The following ERBB4 variants were observed in gnomAD, a reference collection of about 807,000 sequenced individuals.
ERBB4 encodes receptor tyrosine-protein kinase erbB-4.
Under a neutral mutation model 158.0 loss-of-function variants are expected in ERBB4, and 42 were observed. The ratio of observed to expected loss-of-function variants is 0.27; its 90% CI spans 0.21 to 0.34. The LOEUF (loss-of-function observed/expected upper bound fraction) is 0.34. ERBB4 is among the 10% of genes least tolerant of loss of function. The pLI, the probability that ERBB4 is intolerant of heterozygous loss-of-function variation, is 1.00. For missense variants in ERBB4, 1,333 were observed against 1,624.1 expected, an observed-to-expected ratio of 0.82 and a Z score of 3.08; for synonymous variants, 583 against 558.7, an observed-to-expected ratio of 1.04 and a Z score of -0.61.
chr2:212,023,171 T>C (rs1431632518), intron 2 of ERBB4, among the ~76,000 whole-genome samples: 1 of 152,120 alleles, frequency 6.6e-6, no homozygotes, highest in Non-Finnish European at 1.5e-5. Context: ...ACATGAGCCA[T>C]TATACAACTC....
intron 1 of ERBB4, among the ~76,000 whole-genome samples, chr2:212,502,244 A>C (rs146677118): frequency 6.6e-6 from 1 of 152,164 alleles, no homozygotes; most frequent in African/African-American, 2.4e-5. Flanking sequence ...GAAGTAAGCT[A>C]ATGTCAAATT....
intron 1 of ERBB4, among the ~76,000 whole-genome samples, chr2:212,471,965 C>T (rs17325821): frequency 0.18 from 26,630 of 151,670 alleles, 3,023 homozygotes; most frequent in Non-Finnish European, 0.24. Context: ...GTACTTGAAA[C>T]TCTCTCATAC....
intron 12 of ERBB4, among the ~76,000 whole-genome samples, chr2:211,693,337 T>G (rs2072890819): frequency 6.6e-6 from 1 of 152,214 alleles, no homozygotes; most frequent in Non-Finnish European, 1.5e-5. Context: ...CTGTATAAAC[T>G]ATAATTAAAT....
intron 19 of ERBB4, among the ~76,000 whole-genome samples, chr2:211,582,967 C>A (rs899381255): frequency 6.6e-6 from 1 of 152,052 alleles, no homozygotes; most frequent in Non-Finnish European, 1.5e-5. Context: ...TATATCAGTA[C>A]AGAATTACAG....
chr2:211,534,222 C>T (rs2066582908), intron 20 of ERBB4, among the ~76,000 whole-genome samples: 1 of 152,042 alleles, frequency 6.6e-6, no homozygotes. Flanking sequence ...CTAAGCCTCC[C>T]ACCTTTCTTC....
At chr2:212,427,423 T>C (rs563502363) in intron 1 of ERBB4, among the ~76,000 whole-genome samples, 2 of 152,150 alleles carry the variant, frequency 1.3e-5, no homozygotes, top group Non-Finnish European at 2.9e-5. Flanking sequence ...CTACTGTATA[T>C]TCTGCCTCGA....
chr2:211,840,232 G>C (rs548830796), intron 3 of ERBB4, among the ~76,000 whole-genome samples: 56 of 152,108 alleles, frequency 3.7e-4, no homozygotes, highest in African/African-American at 1.1e-3. Flanking sequence ...GTTTTCTAAA[G>C]GGGAGTTCCC....
intron 1 of ERBB4, among the ~76,000 whole-genome samples, chr2:212,230,207 C>T (rs2083615757): frequency 2.0e-5 from 3 of 152,016 alleles, no homozygotes. Flanking sequence ...ATTGCTTGAA[C>T]CTGGGAGGTG....
intron 1 of ERBB4, among the ~76,000 whole-genome samples, chr2:212,533,063 A>T (rs1406034696): frequency 2.6e-5 from 4 of 152,210 alleles, no homozygotes; most frequent in African/African-American, 7.2e-5. Flanking sequence ...AATATTTCAG[A>T]ATAACCAACA....
At chr2:212,510,542 G>T (rs1055277104) in intron 1 of ERBB4, among the ~76,000 whole-genome samples, 6 of 151,732 alleles carry the variant, frequency 4.0e-5, no homozygotes, top group African/African-American at 1.5e-4. Context: ...AAAAGTTATA[G>T]GAAAAACAAT....
chr2:211,874,926 A>G (rs2078452490), intron 3 of ERBB4, among the ~76,000 whole-genome samples: 1 of 151,630 alleles, frequency 6.6e-6, no homozygotes, highest in Admixed American at 6.6e-5. Context: ...TGTTTTACAC[A>G]AAAGGTTTGT....
chr2:211,872,446 C>T (rs922823498), intron 3 of ERBB4, among the ~76,000 whole-genome samples: 3 of 152,068 alleles, frequency 2.0e-5, no homozygotes, highest in African/African-American at 7.2e-5. Context: ...TTGAGAACAC[C>T]AATTTTTCTG....
intron 19 of ERBB4, among the ~76,000 whole-genome samples, chr2:211,605,278 A>G (rs545315283): frequency 1.3e-5 from 2 of 152,306 alleles, no homozygotes; most frequent in African/African-American, 4.8e-5. Context: ...AATCCACCAG[A>G]GGAACATTCT....
intron 1 of ERBB4, among the ~76,000 whole-genome samples, chr2:212,241,993 T>C: frequency 6.6e-6 from 1 of 152,094 alleles, no homozygotes; most frequent in East Asian, 1.9e-4. Context: ...AAAATTCAAA[T>C]ATGATTTTTA....
chr2:211,691,048 G>C (rs1411100448), intron 12 of ERBB4, among the ~76,000 whole-genome samples: 1 of 151,922 alleles, frequency 6.6e-6, no homozygotes, highest in Non-Finnish European at 1.5e-5. Flanking sequence ...AATGGATTTT[G>C]CTACAGTTTT....
At chr2:212,008,148 A>G (rs2076298867) in intron 2 of ERBB4, among the ~76,000 whole-genome samples, 1 of 152,084 alleles carries the variant, frequency 6.6e-6, no homozygotes, top group Non-Finnish European at 1.5e-5. Flanking sequence ...AAATGATAGC[A>G]CTAACTTTAA....
At chr2:212,292,996 T>C (rs11890699) in intron 1 of ERBB4, among the ~76,000 whole-genome samples, 2,868 of 152,042 alleles carry the variant, frequency 0.019, 77 homozygotes, top group African/African-American at 0.066. Context: ...GAAATGAAAA[T>C]ATAAATGGGT....
At chr2:211,904,676 T>A (rs1439223395) in intron 3 of ERBB4, among the ~76,000 whole-genome samples, 1 of 152,138 alleles carries the variant, frequency 6.6e-6, no homozygotes, top group African/African-American at 2.4e-5. Flanking sequence ...AGCAAAATTA[T>A]AATTTATTTT....
At chr2:212,504,274 T>C (rs1035780957) in intron 1 of ERBB4, among the ~76,000 whole-genome samples, 3 of 149,684 alleles carry the variant, frequency 2.0e-5, no homozygotes, top group Admixed American at 2.0e-4. Context: ...AAACCATAGC[T>C]GCATTTTTAT....
Sources: allele counts gnomAD v4.1 joint callset (sites outside exome capture counted in the v4.1 genomes callset), GRCh38; gene constraint gnomAD v4.1.1; transcripts MANE v1.5; gene names NCBI Gene and HGNC (gene_info 2026-07-23, HGNC 2026-07-21).